RANBP17: variants seen among roughly 807,000 people sequenced by gnomAD.
RANBP17 encodes the protein RAN binding protein 17, also known as ran-binding protein 17.
In RANBP17, 158 loss-of-function variants were observed where a neutral mutation model predicts 141.2. The observed-to-expected ratio is 1.12, with a 90% CI of 0.98 to 1.28. The LOEUF is 1.28. RANBP17 is among the 50% of genes most tolerant of loss of function. RANBP17 has a pLI of 0.00. For missense variants in RANBP17, 1,438 were observed against 1,290.7 expected, an observed-to-expected ratio of 1.11 and a Z score of -1.75; for synonymous variants, 430 against 450.0, an observed-to-expected ratio of 0.96 and a Z score of 0.56.
At chr5:171,156,554 C>T (rs952319753) in intron 14 of RANBP17, among the ~76,000 whole-genome samples, 1 of 151,960 alleles carries the variant, frequency 6.6e-6, no homozygotes, top group Non-Finnish European at 1.5e-5. Flanking sequence ...TAAAAGTCCA[C>T]AATTTGCCAA....
At chr5:171,170,025 T>C in intron 14 of RANBP17, 105 bp from the exon 15 acceptor site, 1 of 497,652 alleles carries the variant, frequency 2.0e-6, no homozygotes, top group Non-Finnish European at 3.5e-6. Flanking sequence ...CCTACTTCAG[T>C]GTGGATACCA....
At chr5:171,155,078 G>GAAAAAAAAAAAA (rs145976955) in intron 14 of RANBP17, among the ~76,000 whole-genome samples, 7 of 75,002 alleles carry the variant, frequency 9.3e-5, no homozygotes, top group African/African-American at 1.9e-4. Flanking sequence ...ACTCCATCTA[G>GAAAAAAAAAAAA]AAAAAAAAAA....
At chr5:170,980,384 A>C (rs1195053826) in intron 14 of RANBP17, among the ~76,000 whole-genome samples, 1 of 152,216 alleles carries the variant, frequency 6.6e-6, no homozygotes, top group Non-Finnish European at 1.5e-5. Flanking sequence ...AATGGAGAAA[A>C]TGTCCCCAGG....
Position 170,878,216 on chromosome 5 carries a change from G to A in RANBP17, c.138G>A (p.Lys46=). ...TTGACAGTCCAGAATGTCTCAGCAAGTGTCAACTTTTATTAGAACAAGGAA... is the reference window on the plus strand; with the variant it reads ...TTGACAGTCCAGAATGTCTCAGCAAATGTCAACTTTTATTAGAACAAGGAA... ...ELIDSPECLS[K]CQLLLEQGTT... is the part of the protein sequence containing the mutation. Residue 46 remains lysine (K), a synonymous_variant, in exon 2 of 28, where the codon AAG becomes AAA. Transcript: ENST00000523189. 13 of 1,609,826 alleles carry A rather than the reference G, an allele frequency of 8.1e-6. No individual in the cohort carries two copies. Among genetic ancestry groups the A allele is most frequent in the Non-Finnish European group, 1.1e-5 (13 of 1,178,466 alleles).
chr5:171,248,170 T>G (rs1765333889), intron 24 of RANBP17, among the ~76,000 whole-genome samples: 1 of 151,826 alleles, frequency 6.6e-6, no homozygotes, highest in Admixed American at 6.6e-5. Flanking sequence ...ATTGAGACCA[T>G]CCTGGCTAAC....
intron 14 of RANBP17, among the ~76,000 whole-genome samples, chr5:170,987,532 AG>A (rs1013549445): frequency 1.2e-5 from 1 of 86,296 alleles, no homozygotes; most frequent in Non-Finnish European, 2.6e-5. Context: ...GTATTCAGAT[AG>A]GCCTTTTTAA....
rs892335926 is a variant in RANBP17 at position 171,187,089 on chromosome 5, A to G, written c.2038+3659A>G. Among the ~76,000 whole-genome samples the G allele has an allele frequency of 2.0e-5, 3 of 152,160 alleles. No homozygotes were observed. In the South Asian group the frequency reaches 6.2e-4, roughly 31 times the overall value. ...CACGTGAATACTTGGAGGCCATCAC[A>G]GGGTTATTAATTGGCCTAATATCAA... On this transcript the variant is annotated intron_variant, in intron 18 of 27. Coordinates refer to ENST00000523189, the MANE Select transcript of RANBP17 (RefSeq NM_022897.5).
chr5:171,295,075 T>G (rs1302789563), intron 26 of RANBP17, among the ~76,000 whole-genome samples: 1 of 152,208 alleles, frequency 6.6e-6, no homozygotes, highest in Non-Finnish European at 1.5e-5. Flanking sequence ...TTATGTGTGT[T>G]TTTTGATGTA....
intron 14 of RANBP17, among the ~76,000 whole-genome samples, chr5:171,062,893 A>G (rs1241743048): frequency 1.9e-4 from 28 of 150,668 alleles, no homozygotes; most frequent in Non-Finnish European, 1.3e-4. Context: ...TTCCCTTCTC[A>G]CTTCATTTCA....
intron 14 of RANBP17, among the ~76,000 whole-genome samples, chr5:171,130,345 T>C (rs1756811786): frequency 6.6e-6 from 1 of 152,000 alleles, no homozygotes; most frequent in African/African-American, 2.4e-5. Flanking sequence ...TCATTTTCTT[T>C]GGAAATTTAG....
chr5:171,110,941 A>T (rs1581659096), intron 14 of RANBP17, among the ~76,000 whole-genome samples: 1 of 151,202 alleles, frequency 6.6e-6, no homozygotes, highest in Admixed American at 6.6e-5. Context: ...TACATGTGCC[A>T]TGCTGGTGCA....
At chr5:171,044,631 A>G (rs1399357988) in intron 14 of RANBP17, among the ~76,000 whole-genome samples, 1 of 152,102 alleles carries the variant, frequency 6.6e-6, no homozygotes, top group Non-Finnish European at 1.5e-5. Flanking sequence ...TAATTGAATC[A>G]CATGATATCT....
chr5:171,210,756 C>A (rs1459823348), intron 20 of RANBP17, among the ~76,000 whole-genome samples: 1 of 152,180 alleles, frequency 6.6e-6, no homozygotes, highest in Admixed American at 6.5e-5. Context: ...CTTGTAATCC[C>A]AGCACTTTGG....
chr5:170,891,074 C>A (rs931428987), intron 3 of RANBP17, among the ~76,000 whole-genome samples: 1 of 152,096 alleles, frequency 6.6e-6, no homozygotes, highest in Non-Finnish European at 1.5e-5. Context: ...GTCACTTTTG[C>A]TATAACATGA....
At chr5:170,878,736 C>T (rs1768404158) in intron 2 of RANBP17, among the ~76,000 whole-genome samples, 1 of 152,072 alleles carries the variant, frequency 6.6e-6, no homozygotes, top group Non-Finnish European at 1.5e-5. Flanking sequence ...GATTTATGTA[C>T]ATGAATTAAA....
intron 14 of RANBP17, chr5:171,028,737 T>C (rs1249709852): frequency 5.6e-6 from 2 of 358,710 alleles, no homozygotes; most frequent in Non-Finnish European, 1.1e-5. Context: ...GCAGAGACTT[T>C]CCTTGCTTGC....
intron 4 of RANBP17, among the ~76,000 whole-genome samples, chr5:170,895,831 C>T (rs1240677899): frequency 6.6e-6 from 1 of 152,114 alleles, no homozygotes; most frequent in Non-Finnish European, 1.5e-5. Context: ...CCATTTAGCT[C>T]TGTGTATCCA....
intron 5 of RANBP17, chr5:170,897,228 A>G (rs1770209520): frequency 6.1e-6 from 4 of 660,808 alleles, no homozygotes; most frequent in Non-Finnish European, 1.2e-5. Flanking sequence ...GGCAGTCTGT[A>G]TCAAGACCAG....
At chr5:171,133,086 T>G (rs750459157) in intron 14 of RANBP17, among the ~76,000 whole-genome samples, 8 of 151,992 alleles carry the variant, frequency 5.3e-5, no homozygotes, top group African/African-American at 2.4e-5. Flanking sequence ...GGGTTTCACC[T>G]TTTTGGCCAG....
Sources: gnomAD v4.1 joint callset for allele counts (sites outside exome capture counted in the v4.1 genomes callset) on GRCh38, gnomAD v4.1.1 for gene constraint, MANE v1.5 for transcripts, NCBI Gene and HGNC (gene_info 2026-07-23, HGNC 2026-07-21) for gene names.